Variants in DCAF5 observed in about 807,000 individuals in gnomAD.
DCAF5 encodes the protein DDB1- and CUL4-associated factor 5.
In DCAF5, 9 loss-of-function variants were observed where a neutral mutation model predicts 80.7. That is an observed-to-expected ratio of 0.11 (90% confidence interval 0.07 to 0.19). The LOEUF is 0.19. Ranked by LOEUF, DCAF5 falls within the 10% of genes least tolerant of loss-of-function variation. DCAF5 has a pLI of 1.00. For missense variants in DCAF5, 842 were observed against 1,205.7 expected (o/e 0.70, Z 4.47); for synonymous variants, 433 against 461.9 (o/e 0.94, Z 0.80).
intron 5 of DCAF5, among the ~76,000 whole-genome samples, chr14:69,109,027 C>CT: frequency 6.6e-6 from 1 of 152,170 alleles, no homozygotes; most frequent in African/African-American, 2.4e-5. Context: ...GCCTTGGATT[C>CT]TTTTTTTAAA....
chr14:69,127,770 T>C (rs2040921472), intron 1 of DCAF5, among the ~76,000 whole-genome samples: 1 of 152,208 alleles, frequency 6.6e-6, no homozygotes, highest in Admixed American at 6.5e-5. Flanking sequence ...AAAACCTCTG[T>C]ACCTTTCTCT....
chr14:69,089,764 T>C lies in DCAF5; in HGVS notation c.879+1910A>G, dbSNP rs189315565. 124 of 234,074 alleles carry C rather than the reference T, an allele frequency of 5.3e-4. 1 individual carries two copies. The highest frequency in any genetic ancestry group is 2.8e-4 in the Non-Finnish European group (40 of 142,796). The allele number at this position is 234,074 out of a possible 1,614,324, so 14.5% of individuals were successfully genotyped here. ...GGGCAATTTTCCCCCCAGGGGACAA[T>C]GTCTGGAGACATTTTTGGTTGCCTG... is the stretch of plus-strand genomic sequence containing the variant. On this transcript the variant is annotated intron_variant, in intron 6 of 8. Coordinates refer to ENST00000341516, the MANE Select transcript of DCAF5 (RefSeq NM_003861.3).
chr14:69,066,456 T>C (rs968028269), intron 7 of DCAF5, among the ~76,000 whole-genome samples: 1 of 152,234 alleles, frequency 6.6e-6, no homozygotes, highest in Admixed American at 6.5e-5. Flanking sequence ...CTTTTTAAGT[T>C]TAGTTCCTAA....
chr14:69,125,877 A>G (rs2040857456), intron 1 of DCAF5, among the ~76,000 whole-genome samples: 2 of 152,198 alleles, frequency 1.3e-5, no homozygotes, highest in Admixed American at 1.3e-4. Context: ...ACAATACTTT[A>G]TATTGTTTAT....
chr14:69,123,404 G>A (rs1392758816), intron 1 of DCAF5, among the ~76,000 whole-genome samples: 1 of 151,988 alleles, frequency 6.6e-6, no homozygotes, highest in Non-Finnish European at 1.5e-5. Context: ...GCTTATACTC[G>A]CATATCTATG....
chr14:69,084,972 C>A (rs2039261195), intron 6 of DCAF5: 3 of 1,418,412 alleles, frequency 2.1e-6, no homozygotes, highest in Non-Finnish European at 3.0e-6. Flanking sequence ...CATTTTGCAC[C>A]CAGAAGAATT....
In DCAF5 at chr14:69,119,263, C is replaced by T. The variant is rs770771790; in HGVS notation, c.359-33G>A. ...AGAAAAAAGCAGACATCTGATCATT[C>T]GTGCAAGGTGGTCCCTGTCCACATT... On this transcript the variant is annotated intron_variant, in intron 2 of 8. Transcript: ENST00000341516. 1.2e-5 allele frequency: 19 copies of T among 1,608,828 alleles called. No homozygotes were observed. The Middle Eastern group carries it at 5.0e-4, about 42-fold the overall frequency.
At chr14:69,146,432 C>T (rs1002304919) in intron 1 of DCAF5, among the ~76,000 whole-genome samples, 7 of 152,150 alleles carry the variant, frequency 4.6e-5, no homozygotes, top group African/African-American at 1.7e-4. Context: ...TAAATATTCA[C>T]ATTACTTTAT....
intron 5 of DCAF5, among the ~76,000 whole-genome samples, chr14:69,096,717 A>G (rs1012076967): frequency 2.0e-5 from 3 of 152,240 alleles, no homozygotes; most frequent in African/African-American, 7.2e-5. Flanking sequence ...CAGATTTATT[A>G]TCATGACTTT....
chr14:69,072,251 A>G (rs1021736632), intron 7 of DCAF5, among the ~76,000 whole-genome samples: 3 of 152,208 alleles, frequency 2.0e-5, no homozygotes, highest in Admixed American at 6.5e-5. Flanking sequence ...CAAAAATATT[A>G]TGAGCATGTT....
chr14:69,151,991 G>A (rs970716261), intron 1 of DCAF5, among the ~76,000 whole-genome samples: 2 of 152,230 alleles, frequency 1.3e-5, no homozygotes, highest in East Asian at 1.9e-4. Context: ...GGGGTGCGGG[G>A]CGCCGGGCTC....
At chr14:69,105,816 G>C (rs1211263325) in intron 5 of DCAF5, among the ~76,000 whole-genome samples, 1 of 148,304 alleles carries the variant, frequency 6.7e-6, no homozygotes, top group Non-Finnish European at 1.5e-5. Flanking sequence ...TTTCAGACTT[G>C]AACTGACCAC....
chr14:69,072,263 T>C (rs543207037), intron 7 of DCAF5, among the ~76,000 whole-genome samples: 21 of 152,308 alleles, frequency 1.4e-4, no homozygotes, highest in African/African-American at 4.6e-4. Context: ...GAGCATGTTA[T>C]AGGCAAAGGT....
chr14:69,114,036 C>T (rs2040460289), intron 5 of DCAF5, among the ~76,000 whole-genome samples: 1 of 152,146 alleles, frequency 6.6e-6, no homozygotes, highest in Admixed American at 6.6e-5. Flanking sequence ...TGAAGAAGAA[C>T]TCAAAACAAG....
chr14:69,084,150 C>T (rs2039226341), intron 6 of DCAF5: 2 of 866,654 alleles, frequency 2.3e-6, no homozygotes, highest in Admixed American at 3.4e-5. Context: ...CTTATTCTCT[C>T]ACCTACTAGA....
At chr14:69,133,666 C>A (rs1317189146) in intron 1 of DCAF5, among the ~76,000 whole-genome samples, 3 of 152,280 alleles carry the variant, frequency 2.0e-5, no homozygotes, top group South Asian at 2.1e-4. Context: ...TCTGCTGACA[C>A]CCTGTTTTTA....
intron 7 of DCAF5, among the ~76,000 whole-genome samples, chr14:69,064,431 G>A (rs758004724): frequency 6.6e-6 from 1 of 152,078 alleles, no homozygotes; most frequent in Admixed American, 6.6e-5. Context: ...AAAGAGGGGG[G>A]ATGTGGGGGG....
At chr14:69,147,687 T>C (rs2041580921) in intron 1 of DCAF5, among the ~76,000 whole-genome samples, 1 of 152,170 alleles carries the variant, frequency 6.6e-6, no homozygotes, top group Non-Finnish European at 1.5e-5. Flanking sequence ...CATTTATAAG[T>C]ATTATGACCA....
At chr14:69,061,706 G>A (rs970487651) in intron 8 of DCAF5, among the ~76,000 whole-genome samples, 5 of 152,194 alleles carry the variant, frequency 3.3e-5, no homozygotes, top group Admixed American at 3.3e-4. Context: ...TACATACAAA[G>A]TAACTGAGGG....
Sources: allele counts gnomAD v4.1 joint callset (sites outside exome capture counted in the v4.1 genomes callset), GRCh38; gene constraint gnomAD v4.1.1; transcripts MANE v1.5; gene names NCBI Gene and HGNC (gene_info 2026-07-23, HGNC 2026-07-21).